TRIO: variants seen among roughly 807,000 people sequenced by gnomAD.
TRIO encodes triple functional domain protein.
A neutral mutation model predicts 351.9 loss-of-function variants in TRIO; 58 were observed. That is an observed-to-expected ratio of 0.16 (90% CI 0.13 to 0.21). TRIO has a LOEUF of 0.21. Ranked by LOEUF, TRIO falls within the 10% of genes least tolerant of loss-of-function variation. The pLI, the probability that TRIO is intolerant of heterozygous loss-of-function variation, is 1.00. For missense variants in TRIO, 3,201 were observed against 4,027.8 expected (o/e 0.79, Z 5.56); for synonymous variants, 1,758 against 1,595.7 (o/e 1.10, Z -2.42).
chr5:14,358,106 C>A, intron 11 of TRIO, 72 bp from the exon 12 acceptor site: 1 of 1,525,798 alleles, frequency 6.6e-7, no homozygotes, highest in South Asian at 1.3e-5. Context: ...ACTGGGGCCC[C>A]TTGGACACCG....
chr5:14,303,978 T>C (rs1738146078), intron 7 of TRIO, among the ~76,000 whole-genome samples: 1 of 152,182 alleles, frequency 6.6e-6, no homozygotes, highest in Non-Finnish European at 1.5e-5. Context: ...TGGAACTTTT[T>C]CATTACATCT....
chr5:14,343,446 C>A (rs1441332087), intron 11 of TRIO, among the ~76,000 whole-genome samples: 1 of 152,152 alleles, frequency 6.6e-6, no homozygotes, highest in African/African-American at 2.4e-5. Flanking sequence ...AACCACTTAT[C>A]TGTTCTTCTC....
chr5:14,351,138 C>T (rs914794805), intron 11 of TRIO, among the ~76,000 whole-genome samples: 2 of 152,186 alleles, frequency 1.3e-5, no homozygotes, highest in African/African-American at 2.4e-5. Context: ...GCAGCCCACA[C>T]ATTGGTGACC....
chr5:14,432,137 C>CT (rs2152398143), intron 34 of TRIO, among the ~76,000 whole-genome samples: 1 of 152,304 alleles, frequency 6.6e-6, no homozygotes, highest in African/African-American at 2.4e-5. Flanking sequence ...CCATTGCCAG[C>CT]CACAGTGCTG....
chr5:14,268,866 A>G (rs1795837624), intron 1 of TRIO, among the ~76,000 whole-genome samples: 1 of 152,214 alleles, frequency 6.6e-6, no homozygotes, highest in African/African-American at 2.4e-5. Context: ...GCCACGGCAG[A>G]TGAAGTCAGT....
At chr5:14,367,372 A>G (rs1206301331) in intron 16 of TRIO, among the ~76,000 whole-genome samples, 1 of 152,150 alleles carries the variant, frequency 6.6e-6, no homozygotes, top group Admixed American at 6.6e-5. Context: ...TCTTAAGCAC[A>G]TTTCTGCTAT....
chr5:14,182,043 A>G (rs1005956878), intron 1 of TRIO, among the ~76,000 whole-genome samples: 13 of 152,082 alleles, frequency 8.5e-5, no homozygotes, highest in Non-Finnish European at 1.6e-4. Context: ...CTTCCCACAT[A>G]TCATTGAATT....
intron 1 of TRIO, among the ~76,000 whole-genome samples, chr5:14,178,161 C>T (rs1789519075): frequency 6.6e-6 from 1 of 152,104 alleles, no homozygotes; most frequent in South Asian, 2.1e-4. Context: ...TCCATTCGGC[C>T]TTTATTACTT....
intron 53 of TRIO, chr5:14,499,177 C>T (rs1324783007): frequency 2.0e-5 from 3 of 153,028 alleles, no homozygotes; most frequent in African/African-American, 7.2e-5. Flanking sequence ...CTCACCCCAT[C>T]CAGGAGGAGC....
chr5:14,365,746 TAGA>T (rs941889944), intron 15 of TRIO, among the ~76,000 whole-genome samples: 14 of 152,246 alleles, frequency 9.2e-5, no homozygotes, highest in African/African-American at 3.4e-4. Context: ...AGTCAGAATG[TAGA>T]AGAAGATTGC....
intron 1 of TRIO, 21 bp from the exon 2 acceptor site, chr5:14,270,804 T>C (rs1373637305): frequency 1.2e-6 from 2 of 1,608,106 alleles, no homozygotes; most frequent in Admixed American, 1.7e-5. Context: ...AGTAATTTTA[T>C]TTTCTCCTTC....
At chr5:14,161,725 C>T (rs1197094077) in intron 1 of TRIO, among the ~76,000 whole-genome samples, 1 of 152,158 alleles carries the variant, frequency 6.6e-6, no homozygotes, top group East Asian at 1.9e-4. Flanking sequence ...TTTGAAAAAA[C>T]TCTACTTGTA....
chr5:14,508,064 G>C lies in TRIO; in HGVS notation c.8936G>C (p.Gly2979Ala). 1.2e-6 allele frequency: 2 copies of C among 1,614,214 alleles called. No individual in the cohort carries two copies. Among genetic ancestry groups the C allele is most frequent in the Non-Finnish European group, 1.7e-6 (2 of 1,180,038 alleles). ...VSLTSDTWSV[G>A]VLTYVLLSGV... The stretch of plus-strand genomic sequence containing the variant: ...CTGACCTCGGATACGTGGAGTGTTG[G>C]AGTGCTCACATACGTACTTCTTAGT... Residue 2979 changes from glycine to alanine, a missense_variant, in exon 57 of 57, where the codon GGA (glycine) becomes GCA (alanine). Physicochemically the swap from Gly to Ala is moderately conservative, Grantham distance 60. Transcript: ENST00000344204.
intron 1 of TRIO, among the ~76,000 whole-genome samples, chr5:14,170,652 G>A (rs1306575005): frequency 3.3e-5 from 5 of 151,938 alleles, no homozygotes; most frequent in East Asian, 3.9e-4. Flanking sequence ...GATTACAGGC[G>A]TGCTCCACCA....
chr5:14,388,188 A>G (rs1235809258), intron 23 of TRIO, among the ~76,000 whole-genome samples: 1 of 152,246 alleles, frequency 6.6e-6, no homozygotes, highest in Non-Finnish European at 1.5e-5. Flanking sequence ...TAAACTCTAT[A>G]TAAATAAAAA....
chr5:14,382,554 A>G (rs1332562950), intron 21 of TRIO, among the ~76,000 whole-genome samples: 1 of 152,194 alleles, frequency 6.6e-6, no homozygotes, highest in Non-Finnish European at 1.5e-5. Flanking sequence ...GGCAGGGCGC[A>G]GGACCAGGGG....
chr5:14,167,464 T>G (rs1345944891), intron 1 of TRIO, among the ~76,000 whole-genome samples: 2 of 152,112 alleles, frequency 1.3e-5, no homozygotes, highest in Non-Finnish European at 2.9e-5. Context: ...CAACCCAGTT[T>G]TTCATAAATA....
At chr5:14,202,827 A>G (rs1791221205) in intron 1 of TRIO, among the ~76,000 whole-genome samples, 1 of 151,322 alleles carries the variant, frequency 6.6e-6, no homozygotes, top group African/African-American at 2.4e-5. Context: ...CTCTCCAGCT[A>G]CGTGGAGCTG....
Position 14,415,461 on chromosome 5 carries a change from G to T in TRIO, c.4960-4317G>T, listed in dbSNP as rs943079096. 5.9e-5 allele frequency among the ~76,000 whole-genome samples: 9 copies of T among 152,166 alleles called. No homozygotes were observed. The East Asian group carries it at 1.7e-3, about 29-fold the overall frequency. On this transcript the variant is annotated intron_variant, in intron 33 of 56. Transcript: ENST00000344204. The stretch of plus-strand genomic sequence containing the variant: ...CCTCATTGTTGTGTCCAGGGCGGGG[G>T]TGTTCTGAGGAACAAAGGAAGACGT...
Sources: allele counts gnomAD v4.1 joint callset (sites outside exome capture counted in the v4.1 genomes callset), GRCh38; gene constraint gnomAD v4.1.1; transcripts MANE v1.5; gene names NCBI Gene and HGNC (gene_info 2026-07-23, HGNC 2026-07-21).